Variants in ME2 observed in about 807,000 individuals in gnomAD.
ME2 encodes the protein malic enzyme 2, also known as NAD-dependent malic enzyme, mitochondrial.
Under a neutral mutation model 73.7 loss-of-function variants are expected in ME2, and 60 were observed. That is an observed-to-expected ratio of 0.81 (90% CI 0.66 to 1.01). The LOEUF is 1.01. ME2 is among the 50% of genes least tolerant of loss of function. The probability of loss-of-function intolerance (pLI) is 0.00; values close to 1 mark genes in which losing one functional copy is unlikely to be tolerated. For synonymous variants in ME2, 199 were observed against 236.9 expected, an observed-to-expected ratio of 0.84 and a Z score of 1.47; for missense variants, 594 against 705.5, an observed-to-expected ratio of 0.84 and a Z score of 1.79.
intron 14 of ME2, 22 bp from the exon 15 acceptor site, chr18:50,940,266 A>C: frequency 6.4e-7 from 1 of 1,555,416 alleles, no homozygotes; most frequent in Non-Finnish European, 8.8e-7. Flanking sequence ...AAACAAAAGC[A>C]AAATGCTGTT....
intron 15 of ME2, among the ~76,000 whole-genome samples, chr18:50,942,504 C>T (rs1342032636): frequency 6.6e-6 from 1 of 152,088 alleles, no homozygotes; most frequent in Non-Finnish European, 1.5e-5. Flanking sequence ...GAAATTGTTG[C>T]ATTTATAAAT....
intron 13 of ME2, chr18:50,939,140 G>GAAAAAAAAAAAAGA (rs56350434): frequency 1.7e-5 from 2 of 118,526 alleles, no homozygotes; most frequent in Non-Finnish European, 3.4e-5. Flanking sequence ...AAAAAAAAAA[G>GAAAAAAAAAAAAGA]AAAAAAAAAA....
rs368139307 is a variant in ME2 at position 50,897,077 on chromosome 18, G to C, written c.108+1149G>C. On this transcript the variant is annotated intron_variant, in intron 2 of 15. Coordinates refer to ENST00000321341, the MANE Select transcript of ME2 (RefSeq NM_002396.5). ...CTCCCTTCTCTGAAACCCCATAGCA[G>C]TTTCTTCCTGTTCCTGTGGCAAGTA... Among the ~76,000 whole-genome samples the C allele has an allele frequency of 2.6e-5, 4 of 152,236 alleles. No homozygotes were observed. In the East Asian group the frequency reaches 5.8e-4, roughly 22 times the overall value.
chr18:50,946,891 T>C, intron 15 of ME2, 126 bp from the exon 16 acceptor site: 1 of 734,812 alleles, frequency 1.4e-6, no homozygotes, highest in Non-Finnish European at 2.3e-6. Context: ...AAAGCAATGT[T>C]ATTTTTTACT....
intron 2 of ME2, among the ~76,000 whole-genome samples, chr18:50,898,333 A>G (rs1916802410): frequency 6.6e-6 from 1 of 152,236 alleles, no homozygotes; most frequent in Non-Finnish European, 1.5e-5. Flanking sequence ...AAAGTATACA[A>G]TTCAGTGACA....
intron 7 of ME2, among the ~76,000 whole-genome samples, chr18:50,920,182 A>G (rs1917387248): frequency 6.6e-6 from 1 of 152,370 alleles, no homozygotes. Context: ...AGTCAAAGGA[A>G]GTGTCCTCCT....
In ME2 at chr18:50,947,084, A is replaced by G. The variant is rs765165076; in HGVS notation, c.1655A>G (p.Tyr552Cys). 6.2e-7 allele frequency: 1 copy of G among 1,613,986 alleles called. No individual in the cohort carries two copies. The highest frequency in any genetic ancestry group is 8.5e-7 in the Non-Finnish European group (1 of 1,179,968). ...RYPEPEDKAK[Y>C]VKERTWRSEY... The stretch of plus-strand genomic sequence containing the variant: ...CCAGAACCTGAAGACAAGGCCAAAT[A>G]TGTTAAAGAAAGAACATGGCGGAGT... Residue 552 changes from tyrosine (Y) to cysteine (C), a missense_variant, in exon 16 of 16, where the codon TAT becomes TGT. Tyr to Cys is a radical substitution (Grantham distance 194). Coordinates refer to ENST00000321341, the MANE Select transcript of ME2 (RefSeq NM_002396.5).
At chr18:50,884,425 G>T (rs1454674686) in intron 1 of ME2, among the ~76,000 whole-genome samples, 2 of 152,126 alleles carry the variant, frequency 1.3e-5, no homozygotes, top group African/African-American at 4.8e-5. Flanking sequence ...TCAGCTCACT[G>T]CAACCTCTGC....
At chr18:50,882,273 T>C (rs1291516674) in intron 1 of ME2, among the ~76,000 whole-genome samples, 1 of 152,180 alleles carries the variant, frequency 6.6e-6, no homozygotes, top group African/African-American at 2.4e-5. Flanking sequence ...TGCTGGGGAT[T>C]ACAGGTGTTC....
chr18:50,889,346 T>G (rs1375735548), intron 1 of ME2, among the ~76,000 whole-genome samples: 1 of 152,168 alleles, frequency 6.6e-6, no homozygotes, highest in African/African-American at 2.4e-5. Flanking sequence ...TGCTGGACAT[T>G]AAGCTCTATA....
intron 3 of ME2, among the ~76,000 whole-genome samples, chr18:50,911,741 A>C (rs1488152426): frequency 6.6e-6 from 1 of 152,230 alleles, no homozygotes; most frequent in Non-Finnish European, 1.5e-5. Flanking sequence ...GAAGTAAGTC[A>C]ACATGAAGAA....
At chr18:50,924,361 T>C in intron 11 of ME2, 149 bp downstream of exon 11, 1 of 575,392 alleles carries the variant, frequency 1.7e-6, no homozygotes, top group Non-Finnish European at 3.1e-6. Flanking sequence ...TTGGTTACCA[T>C]GCATGAAATT....
intron 1 of ME2, among the ~76,000 whole-genome samples, chr18:50,881,790 G>T (rs1916330442): frequency 6.6e-6 from 1 of 152,186 alleles, no homozygotes. Flanking sequence ...ACTACTAATA[G>T]TAATGCTTAT....
At chr18:50,941,406 A>G (rs8088183) in intron 15 of ME2, among the ~76,000 whole-genome samples, 79,948 of 115,396 alleles carry the variant, frequency 0.69, 27,835 homozygotes, top group African/African-American at 0.8. Flanking sequence ...TTGCTCTGTC[A>G]CCCAGGCTTG....
chr18:50,925,297 G>A (rs1917524870), intron 11 of ME2, among the ~76,000 whole-genome samples: 1 of 152,088 alleles, frequency 6.6e-6, no homozygotes, highest in South Asian at 2.1e-4. Flanking sequence ...TGGCCAACAT[G>A]GCAAAACCCC....
Position 50,950,231 on chromosome 18 carries a change from T to A in ME2, c.*3047T>A, listed in dbSNP as rs1209688972. On this transcript the variant is annotated 3_prime_UTR_variant, in exon 16 of 16. Transcript: ENST00000321341. ...TTAAAATATTTTAAAATTTTTTGAT[T>A]CATAACCAAGAAGTTGCCTCAGATC... 6.6e-6 allele frequency: 1 copy of A among 152,184 alleles called. No homozygotes were observed. Among genetic ancestry groups the A allele is most frequent in the Admixed American group, 6.5e-5 (1 of 15,282 alleles). The allele number at this position is 152,184 out of a possible 1,614,324, so 9.4% of individuals were successfully genotyped here.
chr18:50,930,578 AG>A (rs1917668796), intron 12 of ME2, among the ~76,000 whole-genome samples: 1 of 152,216 alleles, frequency 6.6e-6, no homozygotes, highest in African/African-American at 2.4e-5. Flanking sequence ...TTAAATGGGC[AG>A]GGAGGCAGGG....
rs1568173312 is a variant in ME2, at chr18:50,932,327, C to A, written c.1384C>A (p.Pro462Thr). 2.5e-6 allele frequency: 4 copies of A among 1,612,880 alleles called. No individual in the cohort carries two copies. The highest frequency in any genetic ancestry group is 3.4e-6 in the Non-Finnish European group (4 of 1,179,208). ...VKLTDGRVFT[P>T]GQGNNVYIFP... ...ACTTACAGATGGGCGAGTCTTTACA[C>A]CAGGTCAAGGAAACAATGTTTATAT... Residue 462 changes from proline to threonine, a missense_variant, in exon 13 of 16, where the codon CCA (proline) becomes ACA (threonine). Pro to Thr is a conservative substitution (Grantham distance 38). Coordinates refer to ENST00000321341, the MANE Select transcript of ME2 (RefSeq NM_002396.5).
chr18:50,947,380 A>G lies in ME2; in HGVS notation c.*196A>G, dbSNP rs1918111477. The G allele has an allele frequency of 1.2e-5, 7 of 575,620 alleles. No homozygotes were observed. The highest frequency in any genetic ancestry group is 1.1e-4 in the South Asian group (5 of 44,530). 35.7% of individuals were successfully genotyped at this position (575,620 alleles called of 1,614,324 possible). Reference sequence around the variant, plus strand: ...TGATTGCATTGCCCACCAGCACCCTACAGTCAGATAGTTGTGATGCTTTAA... The same window carrying G: ...TGATTGCATTGCCCACCAGCACCCTGCAGTCAGATAGTTGTGATGCTTTAA... On this transcript the variant is annotated 3_prime_UTR_variant, in exon 16 of 16. Transcript: ENST00000321341.
Sources: allele counts gnomAD v4.1 joint callset (sites outside exome capture counted in the v4.1 genomes callset), GRCh38; gene constraint gnomAD v4.1.1; transcripts MANE v1.5; gene names NCBI Gene and HGNC (gene_info 2026-07-23, HGNC 2026-07-21).